ZIC4: variants seen among roughly 807,000 people sequenced by gnomAD.
ZIC4 encodes Zic family zinc finger 4.
In ZIC4, 15 loss-of-function variants were observed where a neutral mutation model predicts 28.8. The observed-to-expected ratio is 0.52, with a 90% confidence interval of 0.35 to 0.80. ZIC4 has a LOEUF of 0.80. Ranked by LOEUF, ZIC4 falls within the 30% of genes least tolerant of loss-of-function variation. The pLI is 0.01. For missense variants in ZIC4, 512 were observed against 467.1 expected (o/e 1.10, Z -0.89); for synonymous variants, 220 against 198.1 (o/e 1.11, Z -0.93).
rs1168978459 is a variant in ZIC4 at position 147,391,029 on chromosome 3, T to C, written c.906A>G (p.Thr302=). The C allele has an allele frequency of 6.2e-7, 1 of 1,613,804 alleles. No individual in the cohort carries two copies. The highest frequency in any genetic ancestry group is 1.7e-5 in the Admixed American group (1 of 60,020). ...ACGAGGGCGACACGAGGGCAGACGGTGTAGCCGAATCGTAGCCAGAGCTGG... is the reference window on the plus strand; with the variant it reads ...ACGAGGGCGACACGAGGGCAGACGGCGTAGCCGAATCGTAGCCAGAGCTGG... The part of the protein sequence containing the change: ...PPPSSGYDSA[T]PSALVSPSSD... Residue 302 remains threonine, a synonymous_variant, in exon 4 of 5, where the codon ACA becomes ACG. Transcript: ENST00000383075.
At chr3:147,389,259 G>A (rs1351999960) in intron 4 of ZIC4, 1 of 206,104 alleles carries the variant, frequency 4.9e-6, no homozygotes, top group Non-Finnish European at 9.7e-6. Context: ...ACTCCAGTTA[G>A]GATGTTATTT....
intron 2 of ZIC4, among the ~76,000 whole-genome samples, chr3:147,400,961 G>A (rs1259240786): frequency 6.6e-6 from 1 of 152,158 alleles, no homozygotes; most frequent in African/African-American, 2.4e-5. Context: ...ACATTGTTAA[G>A]TCTACTTTTC....
chr3:147,388,586 G>C lies in ZIC4; in HGVS notation c.*273C>G. The C allele has an allele frequency of 2.4e-6, 1 of 411,476 alleles. No individual in the cohort carries two copies. The highest frequency in any genetic ancestry group is 4.3e-6 in the Non-Finnish European group (1 of 233,388). 25.5% of individuals were successfully genotyped at this position (411,476 alleles called of 1,614,324 possible). On this transcript the variant is annotated 3_prime_UTR_variant, in exon 5 of 5. Coordinates refer to ENST00000383075, the MANE Select transcript of ZIC4 (RefSeq NM_032153.6). ...ATTAAATGAAAATGATTTAGTCCGC[G>C]TCAAACAAAAATATATACTTGTATA...
rs1206772407 is a variant in ZIC4 at position 147,386,214 on chromosome 3, A to G, written c.*2645T>C. The G allele has an allele frequency of 6.6e-6, 1 of 152,238 alleles. No individual in the cohort carries two copies. The highest frequency in any genetic ancestry group is 2.4e-5 in the African/African-American group (1 of 41,462). The allele number at this position is 152,238 out of a possible 1,614,324, so 9.4% of individuals were successfully genotyped here. The stretch of plus-strand genomic sequence containing the variant: ...TGGCTTTCAACTTTGTTGTTCATTC[A>G]ACAATCACTTTCAGTCAAACAACTT... On this transcript the variant is annotated 3_prime_UTR_variant, in exon 5 of 5. Coordinates refer to ENST00000383075, the MANE Select transcript of ZIC4 (RefSeq NM_032153.6).
At chr3:147,405,440 G>A (rs768212375) in intron 1 of ZIC4, 1 of 1,537,168 alleles carries the variant, frequency 6.5e-7, no homozygotes, top group Non-Finnish European at 8.7e-7. Flanking sequence ...AAGCCCCTCC[G>A]CTTTCCTAAG....
At chr3:147,399,726 C>A (rs1383767442) in intron 2 of ZIC4, among the ~76,000 whole-genome samples, 1 of 146,022 alleles carries the variant, frequency 6.8e-6, no homozygotes, top group Non-Finnish European at 1.5e-5. Flanking sequence ...AGTGCAATGG[C>A]GCCATCTTGG....
chr3:147,391,211 C>T lies in ZIC4; in HGVS notation c.724G>A (p.Glu242Lys). ...TCGCTGCTGTTGGCGAAGCGCCGCTCGCAGCCCTCGAACTCGCATCTGAAG... is the reference window on the plus strand; with the variant it reads ...TCGCTGCTGTTGGCGAAGCGCCGCTTGCAGCCCTCGAACTCGCATCTGAAG... ...KPFRCEFEGCERRFANSSDRK... is the reference protein window; with the variant it reads ...KPFRCEFEGCKRRFANSSDRK... Residue 242 changes from glutamate (E) to lysine (K), a missense_variant, in exon 4 of 5, where the codon GAG becomes AAG. Physicochemically the swap from Glu to Lys is moderately conservative, Grantham distance 56. This residue lies in a region of ZIC4 where 58 missense variants were observed against 93.8 expected (regional missense o/e 0.62). Coordinates refer to ENST00000383075, the MANE Select transcript of ZIC4 (RefSeq NM_032153.6). 1.2e-6 allele frequency: 2 copies of T among 1,603,762 alleles called. No homozygotes were observed. Among genetic ancestry groups the T allele is most frequent in the African/African-American group, 2.7e-5 (2 of 74,878 alleles).
intron 4 of ZIC4, 40 bp from the exon 5 acceptor site, chr3:147,388,899 C>G: frequency 1.3e-6 from 1 of 778,422 alleles, no homozygotes. Flanking sequence ...GATTAGTGGC[C>G]GACCAAACAT....
intron 2 of ZIC4, among the ~76,000 whole-genome samples, 199 bp downstream of exon 2, chr3:147,402,529 A>C (rs1340928149): frequency 6.6e-6 from 1 of 152,178 alleles, no homozygotes; most frequent in Non-Finnish European, 1.5e-5. Flanking sequence ...TGCTGGTGGG[A>C]CGTTGTGTCA....
Position 147,396,214 on chromosome 3 carries a change from G to A in ZIC4, c.326C>T (p.Ala109Val), listed in dbSNP as rs375753545. 2 of 1,614,004 alleles carry A rather than the reference G, an allele frequency of 1.2e-6. No individual in the cohort carries two copies. Among genetic ancestry groups the A allele is most frequent in the Non-Finnish European group, 1.7e-6 (2 of 1,179,976 alleles). ...GGMNLTVNLA[A>V]PHGPGAFFRY... ...GAAGAAAGCGCCAGGACCGTGGGGC[G>A]CAGCGAGGTTCACCGTCAGGTTCAT... The change falls in exon 3 of 5, where the codon GCG becomes GTG. Residue 109 changes from alanine (A) to valine (V), a missense_variant. Physicochemically the swap from Ala to Val is moderately conservative, Grantham distance 64. Transcript: ENST00000383075. The surrounding 1 kb of genome is among the most constrained non-coding windows in gnomAD (Gnocchi z 4.2).
rs555266693 is a variant in ZIC4, at chr3:147,394,975, T to TC, written c.688+876dup. Among the ~76,000 whole-genome samples the TC allele has an allele frequency of 3.9e-5, 6 of 152,232 alleles. No homozygotes were observed. In the South Asian group the frequency reaches 1.0e-3, roughly 26 times the overall value. On this transcript the variant is annotated intron_variant, in intron 3 of 4. Coordinates refer to ENST00000383075, the MANE Select transcript of ZIC4 (RefSeq NM_032153.6). Reference sequence around the variant, plus strand: ...TCTCCTGTCCCCACCAGTCCCCTTCTCCCGCCCCCAAAATGGGGGAGGGGA... The same window carrying TC: ...TCTCCTGTCCCCACCAGTCCCCTTCTCCCCGCCCCCAAAATGGGGGAGGGGA...
chr3:147,391,954 A>G lies in ZIC4; in HGVS notation c.689-708T>C, dbSNP rs191471174. On this transcript the variant is annotated intron_variant, in intron 3 of 4. Transcript: ENST00000383075. ...CCCCTGAGGGCAAACATTTAGCAGC[A>G]TTCTTCAAATCTTGCCTAAACCTTC... 165 of 985,292 alleles carry G rather than the reference A, an allele frequency of 1.7e-4. No homozygotes were observed. In the East Asian group the frequency reaches 6.0e-3, roughly 36 times the overall value. 61.0% of individuals were successfully genotyped at this position (985,292 alleles called of 1,614,324 possible).
chr3:147,402,040 G>A (rs1016110193), intron 2 of ZIC4, among the ~76,000 whole-genome samples: 6 of 152,334 alleles, frequency 3.9e-5, no homozygotes, highest in African/African-American at 9.6e-5. Context: ...GTCTACCAAT[G>A]AGGGAACATC....
At chr3:147,390,610 G>A (rs532906569) in intron 4 of ZIC4, among the ~76,000 whole-genome samples, 1 of 152,196 alleles carries the variant, frequency 6.6e-6, no homozygotes, top group South Asian at 2.1e-4. Flanking sequence ...GGCGCGTGTG[G>A]GGGTGATGGT....
rs1449887293 is a variant in ZIC4 at position 147,387,603 on chromosome 3, CAATT to C, written c.*1252_*1255del. 3 of 152,502 alleles carry C rather than the reference CAATT, an allele frequency of 2.0e-5. No homozygotes were observed. Among genetic ancestry groups the C allele is most frequent in the African/African-American group, 7.2e-5 (3 of 41,400 alleles). The allele number at this position is 152,502 out of a possible 1,614,324, so 9.4% of individuals were successfully genotyped here. A position where few individuals can be genotyped will look rare whatever the true frequency, so the allele number is the denominator to read the frequency against. On this transcript the variant is annotated 3_prime_UTR_variant, in exon 5 of 5. Transcript: ENST00000383075. ...TACTTGGATAAAATAAACAACAAGA[CAATT>C]AAGGGAACATGGACTTCTAACTTTC...
chr3:147,388,782 C>A lies in ZIC4; in HGVS notation c.*77G>T. The A allele has an allele frequency of 2.6e-6, 2 of 759,852 alleles. No homozygotes were observed. 47.1% of individuals were successfully genotyped at this position (759,852 alleles called of 1,614,324 possible). A position where few individuals can be genotyped will look rare whatever the true frequency, so the allele number is the denominator to read the frequency against. On this transcript the variant is annotated 3_prime_UTR_variant, in exon 5 of 5. Coordinates refer to ENST00000383075, the MANE Select transcript of ZIC4 (RefSeq NM_032153.6). ...AGAAACACTGCTTTGTGCGCGGGCC[C>A]TTTGATGTAGCAGGCGCGAGATGCG...
chr3:147,396,222 G>A lies in ZIC4; in HGVS notation c.318C>T (p.Asn106=), dbSNP rs752538480. The part of the protein sequence containing the change: ...HGYGGMNLTV[N]LAAPHGPGAF... ...CGCCAGGACCGTGGGGCGCAGCGAGGTTCACCGTCAGGTTCATGCCCCCGT... is the reference window on the plus strand; with the variant it reads ...CGCCAGGACCGTGGGGCGCAGCGAGATTCACCGTCAGGTTCATGCCCCCGT... The change falls in exon 3 of 5, where the codon AAC becomes AAT. Residue 106 remains asparagine, a synonymous_variant. Transcript: ENST00000383075. This position sits in a 1 kb window ranked among gnomAD's most constrained non-coding sequence, Gnocchi z 4.2. The A allele has an allele frequency of 4.3e-6, 7 of 1,613,844 alleles. No individual in the cohort carries two copies. The highest frequency in any genetic ancestry group is 2.2e-5 in the East Asian group (1 of 44,860).
At chr3:147,400,016 T>A (rs1333999023) in intron 2 of ZIC4, among the ~76,000 whole-genome samples, 2 of 152,186 alleles carry the variant, frequency 1.3e-5, no homozygotes, top group African/African-American at 4.8e-5. Context: ...AAGCTTTGAA[T>A]AACAGTATGG....
chr3:147,397,449 C>T (rs1194189476), intron 2 of ZIC4, among the ~76,000 whole-genome samples: 1 of 151,998 alleles, frequency 6.6e-6, no homozygotes, highest in Non-Finnish European at 1.5e-5. Flanking sequence ...GCTTCCACTG[C>T]TCATGCGCTC....
Sources: gnomAD v4.1 joint callset for allele counts (sites outside exome capture counted in the v4.1 genomes callset) on GRCh38, gnomAD v4.1.1 for gene constraint, gnomAD v4.1.1 regional missense constraint, Gnocchi (gnomAD v3.1) non-coding constraint, MANE v1.5 for transcripts, NCBI Gene and HGNC (gene_info 2026-07-23, HGNC 2026-07-21) for gene names.